The following COL28A1 variants were observed in gnomAD, a reference collection of about 807,000 sequenced individuals.
The protein encoded by COL28A1 is collagen alpha-1(XXVIII) chain.
A neutral mutation model predicts 150.2 loss-of-function variants in COL28A1; 161 were observed. That is an observed-to-expected ratio of 1.07 (90% confidence interval 0.94 to 1.22). The LOEUF is 1.22. Among genes scored for constraint, COL28A1 ranks in the 50% most tolerant of loss-of-function variants. The probability of loss-of-function intolerance (pLI) is 0.00; values close to 1 mark genes in which losing one functional copy is unlikely to be tolerated. For missense variants in COL28A1, 1,617 were observed against 1,388.3 expected (o/e 1.16, Z -2.62); for synonymous variants, 552 against 469.7 (o/e 1.18, Z -2.26).
At chr7:7,362,263 T>G (rs1282371326) in intron 33 of COL28A1, among the ~76,000 whole-genome samples, 1 of 152,220 alleles carries the variant, frequency 6.6e-6, no homozygotes, top group Non-Finnish European at 1.5e-5. Context: ...CTTTTGCAAA[T>G]TTTTCCTTGG....
At chr7:7,388,849 T>A (rs184262707) in intron 27 of COL28A1, among the ~76,000 whole-genome samples, 2,356 of 152,242 alleles carry the variant, frequency 0.015, 79 homozygotes, top group African/African-American at 0.054. Flanking sequence ...TTTGATGGGG[T>A]TGTTTTTTTC....
intron 15 of COL28A1, among the ~76,000 whole-genome samples, chr7:7,457,279 A>G (rs1787244909): frequency 6.6e-6 from 1 of 152,170 alleles, no homozygotes; most frequent in African/African-American, 2.4e-5. Context: ...GGGGGTCTGC[A>G]TGAGAGATGA....
chr7:7,524,332 G>A (rs1468940713), intron 3 of COL28A1, 83 bp from the exon 4 acceptor site: 1 of 818,192 alleles, frequency 1.2e-6, no homozygotes, highest in African/African-American at 1.7e-5. Flanking sequence ...ATTCCCTATG[G>A]GATATGAAGT....
chr7:7,451,996 G>C (rs1786730293), intron 18 of COL28A1, among the ~76,000 whole-genome samples: 1 of 152,106 alleles, frequency 6.6e-6, no homozygotes, highest in Non-Finnish European at 1.5e-5. Context: ...GGTAAACTAA[G>C]TATTCGTTCA....
At chr7:7,364,890 T>C (rs939079831) in intron 33 of COL28A1, among the ~76,000 whole-genome samples, 1 of 152,176 alleles carries the variant, frequency 6.6e-6, no homozygotes, top group Admixed American at 6.5e-5. Flanking sequence ...AAATTCACAA[T>C]GGGTTAATCT....
chr7:7,349,555 C>T, the COL28A1 span, among the ~76,000 whole-genome samples: 1 of 152,142 alleles, frequency 6.6e-6, no homozygotes, highest in Non-Finnish European at 1.5e-5. Flanking sequence ...CTGCCTTAGT[C>T]TTCCTGGACT....
At chr7:7,450,151 G>A (rs1043480595) in intron 18 of COL28A1, among the ~76,000 whole-genome samples, 7 of 152,048 alleles carry the variant, frequency 4.6e-5, no homozygotes, top group African/African-American at 1.7e-4. Flanking sequence ...TGAAAGAGGT[G>A]GTACTGCAAA....
intron 27 of COL28A1, among the ~76,000 whole-genome samples, chr7:7,409,439 A>C (rs899181148): frequency 2.2e-4 from 34 of 152,108 alleles, no homozygotes; most frequent in African/African-American, 8.0e-4. Flanking sequence ...GAGAGAAAGA[A>C]AGAAATGAAG....
intron 30 of COL28A1, among the ~76,000 whole-genome samples, chr7:7,376,306 T>C (rs1781538995): frequency 6.6e-6 from 1 of 152,194 alleles, no homozygotes; most frequent in Non-Finnish European, 1.5e-5. Context: ...AAATAAAGTT[T>C]AACAGGTGCA....
the COL28A1 span, among the ~76,000 whole-genome samples, chr7:7,339,698 C>A: frequency 6.6e-6 from 1 of 152,032 alleles, no homozygotes; most frequent in African/African-American, 2.4e-5. Context: ...AGAAAAAAGG[C>A]ACATTATTTA....
chr7:7,342,138 T>G, the COL28A1 span, among the ~76,000 whole-genome samples: 2,162 of 152,234 alleles, frequency 0.014, 48 homozygotes, highest in African/African-American at 0.049. Flanking sequence ...CATACAAGTT[T>G]AAATTATTAT....
chr7:7,543,336 C>G, the COL28A1 span, among the ~76,000 whole-genome samples: 1 of 152,186 alleles, frequency 6.6e-6, no homozygotes, highest in Non-Finnish European at 1.5e-5. Context: ...ATGATATAAG[C>G]AACTTTGTAG....
chr7:7,446,027 T>C (rs1786235909), intron 18 of COL28A1, among the ~76,000 whole-genome samples: 1 of 152,032 alleles, frequency 6.6e-6, no homozygotes, highest in African/African-American at 2.4e-5. Context: ...CCTGGCTAAT[T>C]TTGTATTTTC....
intron 9 of COL28A1, among the ~76,000 whole-genome samples, chr7:7,509,074 C>G (rs569444753): frequency 6.6e-6 from 1 of 152,132 alleles, no homozygotes; most frequent in African/African-American, 2.4e-5. Context: ...CCTCTGATGA[C>G]CTGCCCACCT....
In COL28A1 at chr7:7,508,100, C is replaced by T. The variant is rs371704351; in HGVS notation, c.928-939G>A. Among the ~76,000 whole-genome samples, 102 of 151,976 alleles carry T rather than the reference C, an allele frequency of 6.7e-4. 2 individuals carry two copies. In the East Asian group the frequency reaches 0.015, roughly 23 times the overall value. ...ACAAAAAATTAGCCGGGCGTGGTGG[C>T]GGGCACCTGTAGTCCCAGCTACTGG... On this transcript the variant is annotated intron_variant, in intron 9 of 34. Coordinates refer to ENST00000399429, the MANE Select transcript of COL28A1 (RefSeq NM_001037763.3).
intron 27 of COL28A1, among the ~76,000 whole-genome samples, chr7:7,387,248 G>C (rs962808649): frequency 3.3e-5 from 5 of 152,066 alleles, no homozygotes; most frequent in African/African-American, 1.2e-4. Flanking sequence ...TGGAGGGTCA[G>C]GAAACCACGC....
Position 7,432,789 on chromosome 7 carries a change from A to G in COL28A1, c.1861-89T>C, listed in dbSNP as rs559576525. 8.5e-4 allele frequency: 822 copies of G among 968,738 alleles called. 2 individuals carry two copies. Among genetic ancestry groups the G allele is most frequent in the Non-Finnish European group, 1.2e-3 (710 of 600,182 alleles). 60.0% of individuals were successfully genotyped at this position (968,738 alleles called of 1,614,324 possible). A position where few individuals can be genotyped will look rare whatever the true frequency, so the allele number is the denominator to read the frequency against. On this transcript the variant is annotated intron_variant, in intron 23 of 34. Transcript: ENST00000399429. ...AGCATAACACCAACTCAATATGCCA[A>G]CGGTCGATTTCTAACCCGGGAGTTA...
chr7:7,349,235 T>C, the COL28A1 span, among the ~76,000 whole-genome samples: 1 of 152,158 alleles, frequency 6.6e-6, no homozygotes, highest in Non-Finnish European at 1.5e-5. Context: ...GAACATACTT[T>C]GTATGATTTG....
At chr7:7,519,288 A>G (rs1323879150) in intron 6 of COL28A1, among the ~76,000 whole-genome samples, 3 of 152,184 alleles carry the variant, frequency 2.0e-5, no homozygotes, top group Non-Finnish European at 4.4e-5. Context: ...CAAGAACAGC[A>G]TGGGAAAGAC....
Sources: gnomAD v4.1 joint callset for allele counts (sites outside exome capture counted in the v4.1 genomes callset) on GRCh38, gnomAD v4.1.1 for gene constraint, MANE v1.5 for transcripts, NCBI Gene and HGNC (gene_info 2026-07-23, HGNC 2026-07-21) for gene names.